The following TSPAN33 variants were observed in gnomAD, a reference collection of about 807,000 sequenced individuals.
The protein encoded by TSPAN33 is tetraspanin-33.
In TSPAN33, 27 loss-of-function variants were observed where a neutral mutation model predicts 34.8. The ratio of observed to expected loss-of-function variants is 0.78; its 90% confidence interval spans 0.57 to 1.07. TSPAN33 has a LOEUF of 1.07. Among genes scored for constraint, TSPAN33 ranks in the 50% least tolerant of loss-of-function variants. TSPAN33 has a pLI of 0.00. For missense variants in TSPAN33, 272 were observed against 324.9 expected, an observed-to-expected ratio of 0.84 and a Z score of 1.25; for synonymous variants, 119 against 124.2, an observed-to-expected ratio of 0.96 and a Z score of 0.28.
rs751816122 is a variant in TSPAN33 at position 129,166,865 on chromosome 7, T to G, written c.547T>G (p.Cys183Gly). 6.2e-7 allele frequency: 1 copy of G among 1,614,170 alleles called. No homozygotes were observed. The highest frequency in any genetic ancestry group is 8.5e-7 in the Non-Finnish European group (1 of 1,180,024). Residue 183 changes from cysteine (C) to glycine (G), a missense_variant, in exon 6 of 8, where the codon TGC becomes GGC. Transcript: ENST00000486685. ...AGAAGACAACCCCAGTCGAGAGCGC[T>G]GCTCTGTGCCTTACTCCTGTTGCTT... Reference protein sequence around the residue: ...CSEDNPSRERCSVPYSCCLPT... With the variant: ...CSEDNPSRERGSVPYSCCLPT...
intron 3 of TSPAN33, 53 bp downstream of exon 3, chr7:129,162,574 T>C: frequency 6.2e-7 from 1 of 1,602,980 alleles, no homozygotes. Flanking sequence ...CCATCATGCC[T>C]CTTAGCCTCC....
At chr7:129,162,581 C>T in intron 3 of TSPAN33, 60 bp downstream of exon 3, 1 of 1,599,100 alleles carries the variant, frequency 6.3e-7, no homozygotes, top group Middle Eastern at 1.7e-4. Flanking sequence ...GCCTCTTAGC[C>T]TCCCACGGCC....
Position 129,163,296 on chromosome 7 carries a change from A to T in TSPAN33, c.363+389A>T, listed in dbSNP as rs377032469. On this transcript the variant is annotated intron_variant, in intron 4 of 7. Transcript: ENST00000486685. Reference sequence around the variant, plus strand: ...AACAGAAGGAAGGAAGGGGGAAGAGAACAAGATTTTGTTTTGAGGTTTATT... The same window carrying T: ...AACAGAAGGAAGGAAGGGGGAAGAGTACAAGATTTTGTTTTGAGGTTTATT... 1.7e-4 allele frequency among the ~76,000 whole-genome samples: 26 copies of T among 151,998 alleles called. No homozygotes were observed. The East Asian group carries it at 4.1e-3, about 24-fold the overall frequency.
intron 4 of TSPAN33, 138 bp from the exon 5 acceptor site, chr7:129,164,336 T>C: frequency 1.3e-6 from 1 of 753,160 alleles, no homozygotes; most frequent in Non-Finnish European, 2.2e-6. Flanking sequence ...ACCGGCTATC[T>C]TCCACCATTA....
At position 129,148,492 on chromosome 7, in the gene TSPAN33, T is replaced by TGA. The variant is rs1298433915; in HGVS notation, c.102+3416_102+3417dup. ...TACTGAATGTTTATTGGATGGTGAG[T>TGA]GAGAGAGCAAACCCCACAGGGTAGA... On this transcript the variant is annotated intron_variant, in intron 1 of 7. Transcript: ENST00000486685. The surrounding 1 kb of genome is among the most constrained non-coding windows in gnomAD (Gnocchi z 4.2). Among the ~76,000 whole-genome samples, 1 of 152,098 alleles carries TGA rather than the reference T, an allele frequency of 6.6e-6. No individual in the cohort carries two copies. The highest frequency in any genetic ancestry group is 1.5e-5 in the Non-Finnish European group (1 of 68,022).
At chr7:129,163,020 C>G in intron 4 of TSPAN33, 113 bp downstream of exon 4, 1 of 1,023,558 alleles carries the variant, frequency 9.8e-7, no homozygotes, top group South Asian at 1.5e-5. Context: ...TGAGAAACAT[C>G]AGTCGTTGAA....
chr7:129,154,870 A>G (rs2150623366), intron 1 of TSPAN33, among the ~76,000 whole-genome samples: 1 of 152,370 alleles, frequency 6.6e-6, no homozygotes, highest in East Asian at 1.9e-4. Flanking sequence ...AAAAACAAAA[A>G]ATAGAACTAC....
At chr7:129,156,845 A>C (rs1288209606) in intron 1 of TSPAN33, among the ~76,000 whole-genome samples, 4 of 152,202 alleles carry the variant, frequency 2.6e-5, no homozygotes, top group Non-Finnish European at 5.9e-5. Flanking sequence ...GGCTATTTTC[A>C]TTACAAGGTG....
chr7:129,151,311 G>T (rs181790164), intron 1 of TSPAN33, among the ~76,000 whole-genome samples: 4 of 152,036 alleles, frequency 2.6e-5, no homozygotes, highest in Admixed American at 2.0e-4. Context: ...TTAGAGACTG[G>T]ACTTACTGTG....
At chr7:129,151,396 A>C (rs1810591755) in intron 1 of TSPAN33, among the ~76,000 whole-genome samples, 1 of 152,134 alleles carries the variant, frequency 6.6e-6, no homozygotes. Context: ...GTGGGATTAC[A>C]GGCATGAGCC....
chr7:129,159,351 G>A (rs1793016574), intron 1 of TSPAN33, among the ~76,000 whole-genome samples: 1 of 152,174 alleles, frequency 6.6e-6, no homozygotes, highest in Non-Finnish European at 1.5e-5. Context: ...CACCGTGTTT[G>A]GCCTGACCCC....
chr7:129,162,627 G>A, intron 3 of TSPAN33, 106 bp downstream of exon 3: 2 of 1,549,704 alleles, frequency 1.3e-6, no homozygotes, highest in South Asian at 2.4e-5. Context: ...CCCCAAGCCT[G>A]TGCTGTCCAC....
chr7:129,147,806 G>T lies in TSPAN33; in HGVS notation c.102+2724G>T, dbSNP rs577834990. 5.9e-5 allele frequency among the ~76,000 whole-genome samples: 9 copies of T among 152,302 alleles called. No homozygotes were observed. In the East Asian group the frequency reaches 1.2e-3, roughly 20 times the overall value. On this transcript the variant is annotated intron_variant, in intron 1 of 7. Coordinates refer to ENST00000486685, the MANE Select transcript of TSPAN33 (RefSeq NM_178562.5). ...TGGTGCTGGTGGTGATGGTGGCTAC[G>T]TCTGCTGTTGCTCTAGAAGCCCTGA...
intron 1 of TSPAN33, among the ~76,000 whole-genome samples, chr7:129,157,729 A>G (rs545910604): frequency 2.0e-5 from 3 of 152,272 alleles, no homozygotes; most frequent in Admixed American, 1.3e-4. Context: ...AATGGCAGCC[A>G]AAGTTGAGCA....
At chr7:129,145,151 G>A in intron 1 of TSPAN33, 69 bp downstream of exon 1, 1 of 583,818 alleles carries the variant, frequency 1.7e-6, no homozygotes, top group Non-Finnish European at 3.1e-6. Flanking sequence ...GGCCCGGGGT[G>A]CCCCACGCGC....
At chr7:129,166,612 C>T (rs912955779) in intron 5 of TSPAN33, 166 bp from the exon 6 acceptor site, 11 of 688,686 alleles carry the variant, frequency 1.6e-5, no homozygotes, top group South Asian at 4.3e-5. Flanking sequence ...TATCTTCAGG[C>T]GAAGGCAACT....
intron 1 of TSPAN33, among the ~76,000 whole-genome samples, chr7:129,156,810 C>T (rs183296024): frequency 6.6e-6 from 1 of 152,224 alleles, no homozygotes; most frequent in African/African-American, 2.4e-5. Context: ...TAGAATCAGC[C>T]ACTTCTCCAA....
chr7:129,149,759 G>A, intron 1 of TSPAN33, among the ~76,000 whole-genome samples: 1 of 152,248 alleles, frequency 6.6e-6, no homozygotes, highest in Non-Finnish European at 1.5e-5. Flanking sequence ...ACATTGTTGA[G>A]GAAGGAGCCC....
In TSPAN33 at chr7:129,157,577, G is replaced by A. The variant is rs1053229987; in HGVS notation, c.103-4102G>A. On this transcript the variant is annotated intron_variant, in intron 1 of 7. Coordinates refer to ENST00000486685, the MANE Select transcript of TSPAN33 (RefSeq NM_178562.5). ...AGGTTCTCAAGCTTGGCTGCACATT[G>A]AAATAACCTGGAACACATTCAGAAA... Among the ~76,000 whole-genome samples, 22 of 152,232 alleles carry A rather than the reference G, an allele frequency of 1.4e-4. No homozygotes were observed. The East Asian group carries it at 4.2e-3, about 29-fold the overall frequency.
Sources: allele counts gnomAD v4.1 joint callset (sites outside exome capture counted in the v4.1 genomes callset), GRCh38; gene constraint gnomAD v4.1.1; non-coding constraint Gnocchi (gnomAD v3.1); transcripts MANE v1.5; gene names NCBI Gene and HGNC (gene_info 2026-07-23, HGNC 2026-07-21).